The following TNRC18 variants were observed in gnomAD, a reference collection of about 807,000 sequenced individuals.
The protein encoded by TNRC18 is trinucleotide repeat-containing gene 18 protein.
TNRC18 carries 69 observed loss-of-function variants against 226.7 expected under a neutral mutation model. That is an observed-to-expected ratio of 0.30 (90% CI 0.25 to 0.37). The LOEUF (loss-of-function observed/expected upper bound fraction) is 0.37, where lower values mean the gene tolerates loss of function less well. Ranked by LOEUF, TNRC18 falls within the 10% of genes least tolerant of loss-of-function variation. The probability of loss-of-function intolerance (pLI) is 1.00; values close to 1 mark genes in which losing one functional copy is unlikely to be tolerated. For synonymous variants in TNRC18, 2,449 were observed against 1,927.6 expected, an observed-to-expected ratio of 1.27 and a Z score of -7.09; for missense variants, 4,754 against 4,256.6, an observed-to-expected ratio of 1.12 and a Z score of -3.25.
intron 21 of TNRC18, among the ~76,000 whole-genome samples, chr7:5,322,259 CAG>C (rs534913356): frequency 2.0e-5 from 3 of 148,820 alleles, no homozygotes; most frequent in Non-Finnish European, 4.5e-5. Context: ...GCCCGGGTGA[CAG>C]AGAGTCAGAT....
At chr7:5,325,909 A>AT (rs1006791176) in intron 19 of TNRC18, among the ~76,000 whole-genome samples, 5 of 149,522 alleles carry the variant, frequency 3.3e-5, no homozygotes, top group African/African-American at 9.9e-5. Flanking sequence ...CTAAGTTTTT[A>AT]TTTTTTTAGA....
chr7:5,421,504 G>C lies in TNRC18; in HGVS notation c.-243-15C>G, dbSNP rs1254723975. On this transcript the variant is annotated splice_polypyrimidine_tract_variant and intron_variant, in intron 1 of 29. Coordinates refer to ENST00000430969, the MANE Select transcript of TNRC18 (RefSeq NM_001080495.3). ...GCACACGGCGTCTTGGCGGGGAGGA[G>C]ACAGGCCGCGGAAGAAATAGAAAGG... 2.6e-5 allele frequency: 4 copies of C among 151,680 alleles called. No individual in the cohort carries two copies. The highest frequency in any genetic ancestry group is 1.5e-5 in the Non-Finnish European group (1 of 68,176). The allele number at this position is 151,680 out of a possible 1,614,324, so 9.4% of individuals were successfully genotyped here.
chr7:5,308,475 G>GAGAC (rs1362988345), intron 29 of TNRC18, among the ~76,000 whole-genome samples, 163 bp from the exon 30 acceptor site: 4 of 151,866 alleles, frequency 2.6e-5, no homozygotes, highest in Non-Finnish European at 4.4e-5. Context: ...CAACAAAAGA[G>GAGAC]AGACAGAGAC....
intron 10 of TNRC18, among the ~76,000 whole-genome samples, chr7:5,373,514 C>T (rs1244542948): frequency 1.3e-5 from 2 of 152,190 alleles, no homozygotes; most frequent in East Asian, 3.9e-4. Context: ...CCCAAGCTCA[C>T]CCAGCCTTGG....
Position 5,313,597 on chromosome 7 carries a change from C to T in TNRC18, c.7294G>A (p.Ala2432Thr), listed in dbSNP as rs1319661399. The change falls in exon 27 of 30, where the codon GCC (alanine) becomes ACC (threonine). Residue 2432 changes from alanine (A) to threonine (T), a missense_variant. Transcript: ENST00000430969. ...GCCTTCTTGGGCTTGGGGCGTGTGG[C>T]AGGCATGGTGATGAGGGGTGCTGGG... The part of the protein sequence containing the change: ...LAPAPLITMP[A>T]TRPKPKKARA... The T allele has an allele frequency of 1.2e-6, 2 of 1,603,644 alleles. No homozygotes were observed. The highest frequency in any genetic ancestry group is 2.1e-4 in the Middle Eastern group (1 of 4,684).
At chr7:5,371,447 C>CAG in intron 10 of TNRC18, 83 bp from the exon 11 acceptor site, 1 of 1,420,698 alleles carries the variant, frequency 7.0e-7, no homozygotes. Flanking sequence ...CCACCCCAGA[C>CAG]AGAGACCCAG....
Position 5,377,263 on chromosome 7 carries a change from GC to G in TNRC18, c.2461+107del. ...CGACGAATGCGGGAGGCAGGCCCAGGCCCCCCAGGAAACGGCAGGCAGGAGC... is the reference window on the plus strand; with the variant it reads ...CGACGAATGCGGGAGGCAGGCCCAGGCCCCCAGGAAACGGCAGGCAGGAGC... On this transcript the variant is annotated intron_variant, in intron 7 of 29. Coordinates refer to ENST00000430969, the MANE Select transcript of TNRC18 (RefSeq NM_001080495.3). The surrounding 1 kb of genome is among the most constrained non-coding windows in gnomAD (Gnocchi z 5.8). 2 of 1,259,838 alleles carry G rather than the reference GC, an allele frequency of 1.6e-6. No homozygotes were observed. Among genetic ancestry groups the G allele is most frequent in the South Asian group, 1.6e-5 (1 of 63,920 alleles). 78.0% of individuals were successfully genotyped at this position (1,259,838 alleles called of 1,614,324 possible). A position where few individuals can be genotyped will look rare whatever the true frequency, so the allele number is the denominator to read the frequency against.
intron 18 of TNRC18, among the ~76,000 whole-genome samples, chr7:5,340,580 A>G (rs1790588867): frequency 6.6e-6 from 1 of 151,932 alleles, no homozygotes. Context: ...CTACTAAAAA[A>G]AAAAACACAA....
At chr7:5,379,622 G>GGTCCCTCCTT (rs1392296134) in intron 5 of TNRC18, among the ~76,000 whole-genome samples, 2 of 152,166 alleles carry the variant, frequency 1.3e-5, no homozygotes, top group Non-Finnish European at 1.5e-5. Context: ...TGGCCCTCCT[G>GGTCCCTCCTT]GTACCTCCTT....
chr7:5,325,428 G>GTT (rs541568896), intron 19 of TNRC18, 180 bp from the exon 20 acceptor site: 1,934 of 461,018 alleles, frequency 4.2e-3, no homozygotes, highest in African/African-American at 4.7e-3. Flanking sequence ...GTTTTTTTTT[G>GTT]TTTTTTTTTT....
At chr7:5,342,658 G>C (rs1163214637) in intron 18 of TNRC18, among the ~76,000 whole-genome samples, 1 of 152,140 alleles carries the variant, frequency 6.6e-6, no homozygotes, top group Non-Finnish European at 1.5e-5. Context: ...TCTTGAGATG[G>C]CATCTACTCC....
At chr7:5,422,470 T>G (rs1782641060) in intron 1 of TNRC18, among the ~76,000 whole-genome samples, 1 of 152,194 alleles carries the variant, frequency 6.6e-6, no homozygotes, top group Non-Finnish European at 1.5e-5. Context: ...ATTTGTCCTT[T>G]GCCGATTCTC....
chr7:5,328,802 G>T (rs894122862), intron 19 of TNRC18, among the ~76,000 whole-genome samples: 4 of 151,704 alleles, frequency 2.6e-5, no homozygotes, highest in African/African-American at 4.8e-5. Context: ...GAGCCATTGC[G>T]CCCGGCTGAG....
At chr7:5,393,876 G>A (rs962193849) in intron 3 of TNRC18, among the ~76,000 whole-genome samples, 1 of 152,112 alleles carries the variant, frequency 6.6e-6, no homozygotes, top group African/African-American at 2.4e-5. Context: ...CCCCGCTCTG[G>A]GAAATTTTTT....
At chr7:5,368,623 C>T (rs138049642) in intron 11 of TNRC18, among the ~76,000 whole-genome samples, 1,855 of 117,988 alleles carry the variant, frequency 0.016, 44 homozygotes, top group African/African-American at 0.055. Context: ...CGAGATGGCA[C>T]CACTGCACTC....
intron 8 of TNRC18, among the ~76,000 whole-genome samples, chr7:5,376,444 C>T (rs1222168451): frequency 2.0e-5 from 3 of 152,144 alleles, no homozygotes; most frequent in African/African-American, 7.2e-5. Context: ...TGTCCACACC[C>T]GGGGTGGGAT....
At chr7:5,412,166 G>C (rs554892599) in intron 2 of TNRC18, among the ~76,000 whole-genome samples, 8 of 142,648 alleles carry the variant, frequency 5.6e-5, no homozygotes, top group African/African-American at 2.0e-4. Context: ...TCCAGCCTGC[G>C]TAACAGAGCG....
intron 10 of TNRC18, among the ~76,000 whole-genome samples, chr7:5,372,640 G>A (rs1794277089): frequency 6.6e-6 from 1 of 152,174 alleles, no homozygotes; most frequent in Non-Finnish European, 1.5e-5. Context: ...ACTTGAACCT[G>A]GGAGATCAAG....
chr7:5,350,470 G>T (rs1009539314), intron 17 of TNRC18, among the ~76,000 whole-genome samples: 2 of 152,038 alleles, frequency 1.3e-5, no homozygotes, highest in Non-Finnish European at 2.9e-5. Flanking sequence ...GTCCCGGGGT[G>T]CCCGAGCCAG....
Sources: allele counts gnomAD v4.1 joint callset (sites outside exome capture counted in the v4.1 genomes callset), GRCh38; gene constraint gnomAD v4.1.1; non-coding constraint Gnocchi (gnomAD v3.1); transcripts MANE v1.5; gene names NCBI Gene and HGNC (gene_info 2026-07-23, HGNC 2026-07-21).